The following OR51B5 variants were observed in gnomAD, a reference collection of about 807,000 sequenced individuals.
OR51B5 encodes the protein olfactory receptor family 51 subfamily B member 5.
For synonymous variants in OR51B5, 186 were observed against 144.8 expected (o/e 1.28, Z -2.04); for missense variants, 456 against 374.6 (o/e 1.22, Z -1.79).
In OR51B5 at chr11:5,356,767, C is replaced by G. The variant is rs1483123393; in HGVS notation, n.85-9857G>C. ...CACAAAGGGAAGCCCATCAGAATAA[C>G]AGCAGATCTCTCAGCAGAAACTCTA... On this transcript the variant is annotated intron_variant and non_coding_transcript_variant, in intron 1 of 4. Transcript: ENST00000415970. Among the ~76,000 whole-genome samples the G allele has an allele frequency of 8.7e-5, 11 of 125,924 alleles. 1 individual carries two copies. 82.6% of individuals were successfully genotyped at this position (125,924 alleles called of 152,430 possible).
intron 1 of OR51B5, among the ~76,000 whole-genome samples, chr11:5,467,533 A>T (rs1160547240): frequency 7.9e-5 from 12 of 152,086 alleles, no homozygotes; most frequent in Non-Finnish European, 1.8e-4. Context: ...CTAACTGTTT[A>T]CTCTCCAGTT....
chr11:5,401,052 G>A (rs1273482252), intron 1 of OR51B5, among the ~76,000 whole-genome samples: 1 of 152,154 alleles, frequency 6.6e-6, no homozygotes, highest in Non-Finnish European at 1.5e-5. Context: ...TTCCTACCAT[G>A]CTAGTCTAGG....
chr11:5,352,775 CACACAG>C (rs1849120488), intron 1 of OR51B5, among the ~76,000 whole-genome samples: 2 of 81,798 alleles, frequency 2.4e-5, no homozygotes, highest in Admixed American at 1.1e-4. Flanking sequence ...TACATATACA[CACACAG>C]ATACATACCC....
At chr11:5,340,592 GAGT>G (rs1256868753), downstream of OR51B5, 4 of 151,920 alleles carry the variant, frequency 2.6e-5, no homozygotes. Context: ...AATATTTTTG[GAGT>G]AGAAGGAGGA....
intron 1 of OR51B5, among the ~76,000 whole-genome samples, chr11:5,434,375 C>T (rs1850567281): frequency 6.6e-6 from 1 of 152,192 alleles, no homozygotes; most frequent in African/African-American, 2.4e-5. Context: ...TCCACTAGAC[C>T]ACTCAGCATC....
At chr11:5,440,721 C>T (rs186096167) in intron 1 of OR51B5, 117 of 1,613,884 alleles carry the variant, frequency 7.2e-5, no homozygotes, top group Middle Eastern at 6.6e-4. Context: ...TTTCCAGAAG[C>T]GGTGAATCAT....
In OR51B5 at chr11:5,401,927, C is replaced by T. The variant is rs190088161; in HGVS notation, n.85-55017G>A. ...TTTCTTTCTCTCTCTCTCTTCTTTC[C>T]TTTTCTTTTATTATTCTTTCCTCTC... On this transcript the variant is annotated intron_variant and non_coding_transcript_variant, in intron 1 of 4. Transcript: ENST00000415970. 2.5e-3 allele frequency among the ~76,000 whole-genome samples: 346 copies of T among 141,064 alleles called. 1 individual carries two copies. Among genetic ancestry groups the T allele is most frequent in the African/African-American group, 8.8e-3 (330 of 37,458 alleles). 92.5% of individuals were successfully genotyped at this position (141,064 alleles called of 152,430 possible). A position where few individuals can be genotyped will look rare whatever the true frequency, so the allele number is the denominator to read the frequency against.
downstream of OR51B5, chr11:5,340,634 T>C (rs886094228): frequency 6.6e-6 from 1 of 152,130 alleles, no homozygotes; most frequent in East Asian, 1.9e-4. Flanking sequence ...AAGTAGGTAC[T>C]ACAAGCATGA....
upstream of OR51B5, chr11:5,346,815 C>T (rs1026354750): frequency 1.3e-5 from 2 of 151,956 alleles, no homozygotes; most frequent in Admixed American, 6.6e-5. Context: ...AGTATTTCAC[C>T]ATACTCCCAG....
intron 1 of OR51B5, among the ~76,000 whole-genome samples, chr11:5,377,765 G>A (rs535649478): frequency 6.9e-6 from 1 of 145,196 alleles, no homozygotes; most frequent in Non-Finnish European, 1.5e-5. Flanking sequence ...GGATGTGAAG[G>A]ACCTCTTCAA....
At chr11:5,414,827 G>C (rs1010964047) in intron 1 of OR51B5, among the ~76,000 whole-genome samples, 1 of 152,072 alleles carries the variant, frequency 6.6e-6, no homozygotes, top group Non-Finnish European at 1.5e-5. Context: ...TTAATAATGG[G>C]AGACTTTAAC....
intron 1 of OR51B5, among the ~76,000 whole-genome samples, chr11:5,498,130 A>G (rs1373521458): frequency 2.0e-5 from 3 of 152,170 alleles, no homozygotes; most frequent in Non-Finnish European, 4.4e-5. Flanking sequence ...CTTGAGCCCT[A>G]TAGGATATTC....
intron 1 of OR51B5, among the ~76,000 whole-genome samples, chr11:5,493,861 C>T (rs1413186220): frequency 6.6e-6 from 1 of 152,186 alleles, no homozygotes; most frequent in African/African-American, 2.4e-5. Flanking sequence ...TGATGTTAGA[C>T]ATAAGTGACA....
intron 1 of OR51B5, among the ~76,000 whole-genome samples, chr11:5,475,509 T>A (rs1851290138): frequency 6.6e-6 from 1 of 152,188 alleles, no homozygotes; most frequent in African/African-American, 2.4e-5. Context: ...GGATATTAAA[T>A]ATTATTTAAA....
intron 1 of OR51B5, chr11:5,454,167 G>A (rs769158066): frequency 1.2e-6 from 2 of 1,613,828 alleles, no homozygotes; most frequent in Non-Finnish European, 8.5e-7. Flanking sequence ...TTCTGTCATG[G>A]CCACTGCTTC....
At chr11:5,405,591 G>C (rs1453583054) in intron 1 of OR51B5, among the ~76,000 whole-genome samples, 25 of 151,782 alleles carry the variant, frequency 1.6e-4, no homozygotes, top group Admixed American at 4.6e-4. Flanking sequence ...ATGTTGTTTA[G>C]AAAAAACTTT....
intron 1 of OR51B5, among the ~76,000 whole-genome samples, chr11:5,377,741 A>G (rs1482248829): frequency 2.0e-5 from 3 of 151,688 alleles, no homozygotes; most frequent in African/African-American, 7.3e-5. Flanking sequence ...ATACCTAGGA[A>G]TCCAACTTAC....
intron 1 of OR51B5, among the ~76,000 whole-genome samples, chr11:5,374,093 G>C (rs558711218): frequency 6.6e-6 from 1 of 152,142 alleles, no homozygotes; most frequent in Non-Finnish European, 1.5e-5. Flanking sequence ...AGTAAGGGCA[G>C]ACTGACACCT....
intron 1 of OR51B5, among the ~76,000 whole-genome samples, chr11:5,473,680 AC>A (rs1851263271): frequency 6.6e-6 from 1 of 152,190 alleles, no homozygotes; most frequent in Non-Finnish European, 1.5e-5. Flanking sequence ...AAATAAGCAT[AC>A]ACATTTAGAG....
Sources: allele counts gnomAD v4.1 joint callset (sites outside exome capture counted in the v4.1 genomes callset), GRCh38; gene constraint gnomAD v4.1.1; transcripts MANE v1.5; gene names NCBI Gene and HGNC (gene_info 2026-07-23, HGNC 2026-07-21).